VPS53: variants seen among roughly 807,000 people sequenced by gnomAD.
VPS53 encodes VPS53 subunit of GARP complex.
VPS53 carries 70 observed loss-of-function variants against 107.0 expected under a neutral mutation model. The ratio of observed to expected loss-of-function variants is 0.65; its 90% CI spans 0.54 to 0.80. The LOEUF (loss-of-function observed/expected upper bound fraction) is 0.80. VPS53 is among the 30% of genes least tolerant of loss of function. The pLI, the probability that VPS53 is intolerant of heterozygous loss-of-function variation, is 0.00. For synonymous variants in VPS53, 409 were observed against 393.3 expected (o/e 1.04, Z -0.47); for missense variants, 917 against 1,049.4 (o/e 0.87, Z 1.74).
rs118149908 is a variant in VPS53, at chr17:691,635, C to A, written c.285+5783G>T. Among the ~76,000 whole-genome samples the A allele has an allele frequency of 1.1e-3, 170 of 152,252 alleles. 1 individual carries two copies. The highest frequency in any genetic ancestry group is 1.9e-3 in the Non-Finnish European group (127 of 68,022). ...CAATTAGTAAATTTTAAATTATGCG[C>A]CATTCTGAGTAGTGTGATAAAATCT... On this transcript the variant is annotated intron_variant, in intron 4 of 21. Transcript: ENST00000437048.
At position 512,324 on chromosome 17, in the gene VPS53, C is replaced by T. The variant is rs1907997229; in HGVS notation, c.*6804G>A. 1 of 152,174 alleles carries T rather than the reference C, an allele frequency of 6.6e-6. No homozygotes were observed. The highest frequency in any genetic ancestry group is 2.4e-5 in the African/African-American group (1 of 41,444). 9.4% of individuals were successfully genotyped at this position (152,174 alleles called of 1,614,324 possible). On this transcript the variant is annotated 3_prime_UTR_variant, in exon 22 of 22. Transcript: ENST00000437048. ...TTCACAGCCAATATTCATTATAATCCCCTCTCACCAATATTGAAAATGGAT... is the reference window on the plus strand; with the variant it reads ...TTCACAGCCAATATTCATTATAATCTCCTCTCACCAATATTGAAAATGGAT...
At chr17:657,579 G>C in intron 5 of VPS53, 2 of 868,104 alleles carry the variant, frequency 2.3e-6, no homozygotes, top group Non-Finnish European at 1.9e-6. Context: ...GAGGACCTTT[G>C]TCTTCCGGTG....
rs879369522 is a variant in VPS53 at position 629,807 on chromosome 17, AAC to A, written c.688-1578_688-1577del. ...AAAACTAAAAACAAAACAAAAAAAA[AAC>A]CACACACACACACACACACACACAC... On this transcript the variant is annotated intron_variant, in intron 8 of 21. Transcript: ENST00000437048. Among the ~76,000 whole-genome samples the A allele has an allele frequency of 3.5e-3, 203 of 58,812 alleles. 1 individual carries two copies. Among genetic ancestry groups the A allele is most frequent in the South Asian group, 0.012 (13 of 1,122 alleles). The allele number at this position is 58,812 out of a possible 152,430, so 38.6% of individuals were successfully genotyped here.
intron 2 of VPS53, among the ~76,000 whole-genome samples, chr17:707,053 C>T (rs985409376): frequency 4.6e-5 from 7 of 152,218 alleles, no homozygotes; most frequent in African/African-American, 1.4e-4. Flanking sequence ...AGGGTGCGAA[C>T]GTCCCCACGG....
At chr17:707,093 G>A (rs924528950) in intron 2 of VPS53, among the ~76,000 whole-genome samples, 4 of 152,204 alleles carry the variant, frequency 2.6e-5, no homozygotes, top group South Asian at 2.1e-4. Context: ...TGGGGTGTGA[G>A]GAGCAAACAC....
At chr17:582,003 G>A (rs957993138) in intron 13 of VPS53, among the ~76,000 whole-genome samples, 12 of 147,330 alleles carry the variant, frequency 8.1e-5, no homozygotes, top group African/African-American at 2.0e-4. Context: ...AACCTAATGC[G>A]TTCCCAGAGA....
chr17:612,011 TCA>T (rs748563748), intron 11 of VPS53, among the ~76,000 whole-genome samples: 1 of 148,966 alleles, frequency 6.7e-6, no homozygotes, highest in Non-Finnish European at 1.5e-5. Context: ...AATAGTGAAT[TCA>T]CACAGTGAAA....
chr17:710,707 C>A (rs936259670), intron 1 of VPS53, 94 bp from the exon 2 acceptor site: 25 of 958,170 alleles, frequency 2.6e-5, no homozygotes, highest in East Asian at 5.4e-5. Context: ...GGGCCGGGCA[C>A]GGTGGCTCAT....
At position 508,817 on chromosome 17, in the gene VPS53, G is replaced by A. The variant is rs1240808290; in HGVS notation, c.*10311C>T. On this transcript the variant is annotated 3_prime_UTR_variant, in exon 22 of 22. Transcript: ENST00000437048. The stretch of plus-strand genomic sequence containing the variant: ...TGCAACCCAGAAGTAAACTGGGGTT[G>A]ATACACACACATTTTCATCCATAAC... The A allele has an allele frequency of 6.6e-6, 1 of 152,140 alleles. No homozygotes were observed. Among genetic ancestry groups the A allele is most frequent in the Non-Finnish European group, 1.5e-5 (1 of 68,024 alleles). 9.4% of individuals were successfully genotyped at this position (152,140 alleles called of 1,614,324 possible). A position where few individuals can be genotyped will look rare whatever the true frequency, so the allele number is the denominator to read the frequency against.
intron 4 of VPS53, among the ~76,000 whole-genome samples, chr17:695,344 G>T (rs1169057413): frequency 6.6e-6 from 1 of 152,150 alleles, no homozygotes; most frequent in Non-Finnish European, 1.5e-5. Flanking sequence ...TAGTATCTGA[G>T]CTGGTCCTTG....
chr17:547,282 C>T (rs1911290328), intron 17 of VPS53, among the ~76,000 whole-genome samples: 1 of 152,122 alleles, frequency 6.6e-6, no homozygotes, highest in Non-Finnish European at 1.5e-5. Flanking sequence ...CTCAAACGTC[C>T]AATAGACGAA....
chr17:602,525 AG>A (rs1407998135), intron 11 of VPS53, among the ~76,000 whole-genome samples: 3 of 152,366 alleles, frequency 2.0e-5, no homozygotes, highest in African/African-American at 7.2e-5. Context: ...TCGACTTCTC[AG>A]CTTCCAAATA....
At chr17:582,885 T>C (rs1967116202) in intron 13 of VPS53, among the ~76,000 whole-genome samples, 1 of 150,264 alleles carries the variant, frequency 6.7e-6, no homozygotes, top group Non-Finnish European at 1.5e-5. Flanking sequence ...CCAGAGAACT[T>C]CCCTCAGGAC....
intron 13 of VPS53, among the ~76,000 whole-genome samples, chr17:571,282 AAG>A (rs1466766679): frequency 2.0e-5 from 3 of 151,814 alleles, no homozygotes; most frequent in Non-Finnish European, 2.9e-5. Flanking sequence ...GAGAAAGGGA[AAG>A]AGAGAAAAAG....
At chr17:572,101 C>A (rs1260498675) in intron 13 of VPS53, among the ~76,000 whole-genome samples, 1 of 150,156 alleles carries the variant, frequency 6.7e-6, no homozygotes, top group South Asian at 2.1e-4. Context: ...AAGTGAGGAG[C>A]GCCTCTTCCC....
intron 4 of VPS53, among the ~76,000 whole-genome samples, chr17:692,489 T>A (rs1314480610): frequency 6.6e-6 from 1 of 152,174 alleles, no homozygotes; most frequent in Non-Finnish European, 1.5e-5. Context: ...ACAAAGACTC[T>A]GCAAACGTTT....
chr17:590,672 G>C (rs1365155519), intron 12 of VPS53, among the ~76,000 whole-genome samples: 1 of 151,598 alleles, frequency 6.6e-6, no homozygotes, highest in African/African-American at 2.4e-5. Flanking sequence ...TTATGTGCTG[G>C]ATTACATTTA....
intron 17 of VPS53, chr17:538,011 G>A (rs1910246740): frequency 6.6e-6 from 1 of 152,340 alleles, no homozygotes; most frequent in African/African-American, 2.4e-5. Flanking sequence ...ACATTGCTGA[G>A]AGCACCGAGG....
At position 660,693 on chromosome 17, in the gene VPS53, G is replaced by A. The variant is rs1015065986; in HGVS notation, c.372+1116C>T. 4.0e-5 allele frequency among the ~76,000 whole-genome samples: 3 copies of A among 74,922 alleles called. 1 individual carries two copies. In the South Asian group the frequency reaches 1.1e-3, roughly 27 times the overall value. The allele number at this position is 74,922 out of a possible 152,430, so 49.2% of individuals were successfully genotyped here. On this transcript the variant is annotated intron_variant, in intron 5 of 21. Transcript: ENST00000437048. The stretch of plus-strand genomic sequence containing the variant: ...GTGTGGTGCATCCTTGGTGAAGGAC[G>A]AGGGCCCCTGGGTGCTGCTGGGTGT...
Sources: gnomAD v4.1 joint callset for allele counts (sites outside exome capture counted in the v4.1 genomes callset) on GRCh38, gnomAD v4.1.1 for gene constraint, MANE v1.5 for transcripts, NCBI Gene and HGNC (gene_info 2026-07-23, HGNC 2026-07-21) for gene names.